Variants in NEGR1 observed in about 807,000 individuals in gnomAD.
NEGR1 encodes neuronal growth regulator 1, also known as IgLON family member 4.
A neutral mutation model predicts 40.9 loss-of-function variants in NEGR1; 10 were observed. That is an observed-to-expected ratio of 0.24 (90% CI 0.15 to 0.42). The LOEUF (loss-of-function observed/expected upper bound fraction) is 0.42, where lower values mean the gene tolerates loss of function less well. Ranked by LOEUF, NEGR1 falls within the 10% of genes least tolerant of loss-of-function variation. The pLI is 1.00. For missense variants in NEGR1, 352 were observed against 438.9 expected, an observed-to-expected ratio of 0.80 and a Z score of 1.77; for synonymous variants, 185 against 166.8, an observed-to-expected ratio of 1.11 and a Z score of -0.84.
At chr1:71,987,254 G>T (rs1646402944) in intron 1 of NEGR1, among the ~76,000 whole-genome samples, 1 of 152,158 alleles carries the variant, frequency 6.6e-6, no homozygotes, top group Admixed American at 6.5e-5. Flanking sequence ...AAAGTAACAA[G>T]ATGTAGGAAT....
intron 6 of NEGR1, among the ~76,000 whole-genome samples, chr1:71,552,397 C>T (rs935533235): frequency 8.7e-5 from 13 of 149,774 alleles, no homozygotes; most frequent in African/African-American, 2.7e-4. Context: ...CCTGTGTAGG[C>T]CCACAAATTC....
rs74617962 is a variant in NEGR1 at position 72,234,365 on chromosome 1, C to A, written c.176+47954G>T. 2.2e-4 allele frequency among the ~76,000 whole-genome samples: 34 copies of A among 151,950 alleles called. No homozygotes were observed. The East Asian group carries it at 6.2e-3, about 28-fold the overall frequency. ...ATTCCATTCTGGACACGTGAACTGG[C>A]AAAAATTTCATGAGCAGATGCCAAA... On this transcript the variant is annotated intron_variant, in intron 1 of 6. Transcript: ENST00000357731.
rs111254655 is a variant in NEGR1, at chr1:72,139,719, G to C, written c.176+142600C>G. Reference sequence around the variant, plus strand: ...AGTGTTTAACTGGAAACATGCAATTGTAGCAGGGAGGGATGAAAGAGTGAA... The same window carrying C: ...AGTGTTTAACTGGAAACATGCAATTCTAGCAGGGAGGGATGAAAGAGTGAA... On this transcript the variant is annotated intron_variant, in intron 1 of 6. Transcript: ENST00000357731. Among the ~76,000 whole-genome samples the C allele has an allele frequency of 3.2e-3, 491 of 152,166 alleles. 3 individuals are homozygous for C. The highest frequency in any genetic ancestry group is 0.011 in the African/African-American group (471 of 41,542).
At chr1:71,907,973 T>C (rs1661323103) in intron 2 of NEGR1, among the ~76,000 whole-genome samples, 1 of 151,918 alleles carries the variant, frequency 6.6e-6, no homozygotes, top group Admixed American at 6.6e-5. Context: ...GACATAAAGA[T>C]GGCAACAATA....
chr1:71,523,104 A>G (rs1647172720), intron 6 of NEGR1, among the ~76,000 whole-genome samples: 1 of 151,996 alleles, frequency 6.6e-6, no homozygotes. Context: ...TTAGCATTTT[A>G]TTAAATAAAA....
At chr1:71,979,073 T>C (rs752759016) in intron 1 of NEGR1, among the ~76,000 whole-genome samples, 35 of 152,194 alleles carry the variant, frequency 2.3e-4, no homozygotes, top group Admixed American at 3.9e-4. Flanking sequence ...TGAATGGAGC[T>C]GGAGGCCATC....
At chr1:71,832,697 A>G (rs1658880571) in intron 2 of NEGR1, among the ~76,000 whole-genome samples, 1 of 152,070 alleles carries the variant, frequency 6.6e-6, no homozygotes, top group Admixed American at 6.6e-5. Flanking sequence ...CATTGGACAG[A>G]GTGGAGAAAT....
chr1:71,987,215 C>T (rs1235547059), intron 1 of NEGR1, among the ~76,000 whole-genome samples: 4 of 152,144 alleles, frequency 2.6e-5, no homozygotes, highest in African/African-American at 9.7e-5. Flanking sequence ...CCTGTATGTT[C>T]TATAACCTTC....
intron 1 of NEGR1, among the ~76,000 whole-genome samples, chr1:72,096,924 T>C (rs115483672): frequency 6.6e-6 from 1 of 152,200 alleles, no homozygotes. Context: ...ACTTGTGGTC[T>C]GCCTGCCTCG....
chr1:71,523,839 A>C (rs554638556), intron 6 of NEGR1, among the ~76,000 whole-genome samples: 14 of 152,028 alleles, frequency 9.2e-5, no homozygotes, highest in African/African-American at 3.1e-4. Context: ...CAACTGGATG[A>C]AATTTGCTAA....
intron 1 of NEGR1, among the ~76,000 whole-genome samples, chr1:72,085,735 T>C (rs1324937695): frequency 1.3e-5 from 2 of 152,024 alleles, no homozygotes; most frequent in Non-Finnish European, 2.9e-5. Flanking sequence ...TTTGGGAGGC[T>C]GAGGCGGGTG....
intron 1 of NEGR1, among the ~76,000 whole-genome samples, chr1:72,279,429 C>T (rs749881384): frequency 2.0e-5 from 3 of 151,952 alleles, no homozygotes; most frequent in East Asian, 1.9e-4. Flanking sequence ...ACTGTTATGC[C>T]ACTATTTGTT....
At chr1:72,100,678 A>G (rs962789110) in intron 1 of NEGR1, 1 of 152,198 alleles carries the variant, frequency 6.6e-6, no homozygotes, top group African/African-American at 2.4e-5. Flanking sequence ...TATGATAGGG[A>G]ACCTCGTCTT....
chr1:72,176,968 C>T (rs1036406686), intron 1 of NEGR1, among the ~76,000 whole-genome samples: 3 of 151,852 alleles, frequency 2.0e-5, no homozygotes, highest in Admixed American at 6.6e-5. Flanking sequence ...AGATCGAGCG[C>T]GTTCAGGGTT....
chr1:72,262,339 C>T (rs1655485776), intron 1 of NEGR1, among the ~76,000 whole-genome samples: 1 of 151,996 alleles, frequency 6.6e-6, no homozygotes, highest in Non-Finnish European at 1.5e-5. Flanking sequence ...GAAGTGAAAG[C>T]TCAAATAGCA....
intron 2 of NEGR1, among the ~76,000 whole-genome samples, chr1:71,921,198 A>T (rs1180480489): frequency 1.3e-5 from 2 of 152,178 alleles, no homozygotes; most frequent in African/African-American, 4.8e-5. Context: ...TTTTCCTAGA[A>T]TGTAAGGCAG....
chr1:72,040,577 CAAAAAAAAAAAAAAAA>C (rs5775102), intron 1 of NEGR1, among the ~76,000 whole-genome samples: 63 of 29,708 alleles, frequency 2.1e-3, no homozygotes, highest in African/African-American at 7.5e-3. Context: ...GAGCACTGAC[CAAAAAAAAAAAAAAAA>C]AAAAAAAAAA....
chr1:71,759,015 C>T (rs191801942), intron 3 of NEGR1, among the ~76,000 whole-genome samples: 2 of 152,274 alleles, frequency 1.3e-5, no homozygotes. Flanking sequence ...GAATGTATTG[C>T]ATGGTTATAA....
At chr1:72,004,820 G>T (rs1276637722) in intron 1 of NEGR1, among the ~76,000 whole-genome samples, 1 of 151,972 alleles carries the variant, frequency 6.6e-6, no homozygotes, top group Non-Finnish European at 1.5e-5. Flanking sequence ...TCAATATCCT[G>T]GAGATTCAGG....
Sources: allele counts gnomAD v4.1 joint callset (sites outside exome capture counted in the v4.1 genomes callset), GRCh38; gene constraint gnomAD v4.1.1; transcripts MANE v1.5; gene names NCBI Gene and HGNC (gene_info 2026-07-23, HGNC 2026-07-21).